DNER: variants seen among roughly 807,000 people sequenced by gnomAD.
The protein encoded by DNER is delta/notch like EGF repeat containing, also known as delta and Notch-like epidermal growth factor-related receptor.
DNER carries 33 observed loss-of-function variants against 78.2 expected under a neutral mutation model. The observed-to-expected ratio is 0.42, with a 90% CI of 0.32 to 0.56. The LOEUF is 0.56. Ranked by LOEUF, DNER falls within the 20% of genes least tolerant of loss-of-function variation. The pLI is 0.11. For missense variants in DNER, 918 were observed against 975.3 expected (o/e 0.94, Z 0.78); for synonymous variants, 417 against 384.8 (o/e 1.08, Z -0.98).
At chr2:229,649,870 C>G (rs1038131733) in intron 1 of DNER, among the ~76,000 whole-genome samples, 1 of 151,878 alleles carries the variant, frequency 6.6e-6, no homozygotes, top group African/African-American at 2.4e-5. Flanking sequence ...GTCAGGAGAT[C>G]GAGACCATCC....
intron 1 of DNER, among the ~76,000 whole-genome samples, chr2:229,627,120 T>C (rs1698358705): frequency 6.6e-6 from 1 of 152,232 alleles, no homozygotes; most frequent in African/African-American, 2.4e-5. Flanking sequence ...TACCTCAACT[T>C]GTACTTCTAG....
intron 1 of DNER, among the ~76,000 whole-genome samples, chr2:229,630,488 T>TAATAAA (rs1450904221): frequency 9.6e-5 from 13 of 135,840 alleles, no homozygotes; most frequent in African/African-American, 3.4e-4. Context: ...AAAATAATAA[T>TAATAAA]AATAATAATA....
At chr2:229,561,746 G>A (rs1029695869) in intron 4 of DNER, among the ~76,000 whole-genome samples, 1 of 152,038 alleles carries the variant, frequency 6.6e-6, no homozygotes, top group African/African-American at 2.4e-5. Flanking sequence ...CAAATCATTT[G>A]TCCTAGTTGA....
At chr2:229,659,762 A>G (rs1043953523) in intron 1 of DNER, among the ~76,000 whole-genome samples, 1 of 152,218 alleles carries the variant, frequency 6.6e-6, no homozygotes, top group African/African-American at 2.4e-5. Flanking sequence ...ATTGTTTAAT[A>G]GGATAACCTG....
chr2:229,699,025 C>T (rs1699704094), intron 1 of DNER, among the ~76,000 whole-genome samples: 1 of 152,190 alleles, frequency 6.6e-6, no homozygotes, highest in African/African-American at 2.4e-5. Context: ...GGGAAATTTG[C>T]ATTTTGCTGA....
At position 229,591,898 on chromosome 2, in the gene DNER, G is replaced by C; in HGVS notation, c.277-10C>G. 6.6e-7 allele frequency: 1 copy of C among 1,521,086 alleles called. No homozygotes were observed. Among genetic ancestry groups the C allele is most frequent in the Non-Finnish European group, 8.8e-7 (1 of 1,137,050 alleles). The allele number at this position is 1,521,086 out of a possible 1,614,324, so 94.2% of individuals were successfully genotyped here. A position where few individuals can be genotyped will look rare whatever the true frequency, so the allele number is the denominator to read the frequency against. On this transcript the variant is annotated splice_polypyrimidine_tract_variant and intron_variant, in intron 1 of 12. Coordinates refer to ENST00000341772, the MANE Select transcript of DNER (RefSeq NM_139072.4). The surrounding 1 kb of genome is among the most constrained non-coding windows in gnomAD (Gnocchi z 4.6). ...AAGGATCTGCAACAAGCTGAAACGA[G>C]ACCATAAATGGGTCAATTATTCCCT... is the stretch of plus-strand genomic sequence containing the variant.
At chr2:229,499,681 C>G (rs1437091208) in intron 6 of DNER, among the ~76,000 whole-genome samples, 2 of 150,980 alleles carry the variant, frequency 1.3e-5, no homozygotes, top group Non-Finnish European at 2.9e-5. Context: ...TGCATATAAC[C>G]CCAAAAGCCC....
Position 229,464,404 on chromosome 2 carries a change from G to A in DNER, c.1261+12736C>T, listed in dbSNP as rs972996647. 7.2e-5 allele frequency among the ~76,000 whole-genome samples: 11 copies of A among 152,030 alleles called. No individual in the cohort carries two copies. In the East Asian group the frequency reaches 1.3e-3, roughly 19 times the overall value. ...AAAGTCAAAGTTAGATTTAAGACAG[G>A]AAAATGAAAAACAGCTAGGAAATCA... On this transcript the variant is annotated intron_variant, in intron 7 of 12. Transcript: ENST00000341772.
At chr2:229,693,973 C>T (rs1205503138) in intron 1 of DNER, among the ~76,000 whole-genome samples, 2 of 152,194 alleles carry the variant, frequency 1.3e-5, no homozygotes, top group South Asian at 2.1e-4. Flanking sequence ...GGCCTGGAGG[C>T]CTAGGAGGGA....
intron 10 of DNER, among the ~76,000 whole-genome samples, chr2:229,395,940 A>T (rs1229981609): frequency 6.6e-6 from 1 of 152,154 alleles, no homozygotes; most frequent in Non-Finnish European, 1.5e-5. Context: ...CTAGATAAGA[A>T]ATAAACTAAG....
At chr2:229,456,521 C>A (rs1157744148) in intron 7 of DNER, among the ~76,000 whole-genome samples, 1 of 151,922 alleles carries the variant, frequency 6.6e-6, no homozygotes, top group Non-Finnish European at 1.5e-5. Flanking sequence ...TTTGTCCTAA[C>A]ATCCATCTCT....
chr2:229,557,581 CTGTGA>C (rs1201847237), intron 4 of DNER, among the ~76,000 whole-genome samples: 1 of 151,662 alleles, frequency 6.6e-6, no homozygotes, highest in East Asian at 1.9e-4. Flanking sequence ...ATAAAGCCTG[CTGTGA>C]ATTACAAGCA....
chr2:229,513,082 C>G (rs192863974), intron 5 of DNER, 146 bp from the exon 6 acceptor site: 1 of 939,232 alleles, frequency 1.1e-6, no homozygotes, highest in African/African-American at 1.7e-5. Flanking sequence ...TAGTTGAAAT[C>G]ATCGCTTTAA....
chr2:229,490,243 G>A (rs1695370907), intron 6 of DNER, among the ~76,000 whole-genome samples: 1 of 152,190 alleles, frequency 6.6e-6, no homozygotes, highest in African/African-American at 2.4e-5. Context: ...ACATGATCCT[G>A]GAGGAAAATT....
At chr2:229,518,945 C>T (rs372622163) in intron 5 of DNER, among the ~76,000 whole-genome samples, 12 of 141,768 alleles carry the variant, frequency 8.5e-5, no homozygotes, top group South Asian at 2.5e-4. Flanking sequence ...GCAAATCATG[C>T]GATTACTCTT....
chr2:229,365,021 T>C (rs372249776), intron 12 of DNER, among the ~76,000 whole-genome samples: 1 of 152,116 alleles, frequency 6.6e-6, no homozygotes, highest in Non-Finnish European at 1.5e-5. Context: ...GCTGTTATGA[T>C]ACATTTAGGT....
chr2:229,413,321 CTTT>C (rs398061160), intron 9 of DNER, among the ~76,000 whole-genome samples: 1,378 of 67,678 alleles, frequency 0.02, 15 homozygotes, highest in Middle Eastern at 0.065. Flanking sequence ...TTTTCTTCTT[CTTT>C]TTTTTTTTTT....
intron 5 of DNER, among the ~76,000 whole-genome samples, chr2:229,516,785 T>TAAAAAAAAAAAAAAA (rs796603043): frequency 2.4e-5 from 2 of 83,878 alleles, no homozygotes; most frequent in Non-Finnish European, 5.7e-5. Flanking sequence ...ACGCTGTCTC[T>TAAAAAAAAAAAAAAA]AAAAAAAAAA....
At chr2:229,571,400 G>A (rs1371640307) in intron 4 of DNER, among the ~76,000 whole-genome samples, 3 of 151,930 alleles carry the variant, frequency 2.0e-5, no homozygotes, top group African/African-American at 4.8e-5. Context: ...TCTGTCTCCA[G>A]CTCCACCTCT....
Sources: gnomAD v4.1 joint callset for allele counts (sites outside exome capture counted in the v4.1 genomes callset) on GRCh38, gnomAD v4.1.1 for gene constraint, Gnocchi (gnomAD v3.1) non-coding constraint, MANE v1.5 for transcripts, NCBI Gene and HGNC (gene_info 2026-07-23, HGNC 2026-07-21) for gene names.